Variants in ADK observed in about 807,000 individuals in gnomAD.
ADK encodes the protein N6,N6-dimethyladenosine kinase.
Under a neutral mutation model 44.7 loss-of-function variants are expected in ADK, and 24 were observed. The ratio of observed to expected loss-of-function variants is 0.54; its 90% CI spans 0.39 to 0.76. The LOEUF is 0.76. Among genes scored for constraint, ADK ranks in the 30% least tolerant of loss-of-function variants. The pLI is 0.00. For missense variants in ADK, 321 were observed against 425.1 expected (o/e 0.76, Z 2.15); for synonymous variants, 128 against 142.6 (o/e 0.90, Z 0.73).
rs1037504217 is a variant in ADK at position 74,618,104 on chromosome 10, A to C, written c.877+17611A>C. Reference sequence around the variant, plus strand: ...ATTTTCAACCTTTCTGTGTTCTTATATGACTTTTGTTGTTTTTTAATTAAT... The same window carrying C: ...ATTTTCAACCTTTCTGTGTTCTTATCTGACTTTTGTTGTTTTTTAATTAAT... On this transcript the variant is annotated intron_variant, in intron 9 of 10. Coordinates refer to ENST00000539909, the MANE Select transcript of ADK (RefSeq NM_006721.4). Among the ~76,000 whole-genome samples the C allele has an allele frequency of 4.9e-5, 7 of 141,818 alleles. 1 individual carries two copies. The highest frequency in any genetic ancestry group is 1.4e-4 in the Admixed American group (2 of 14,284). The allele number at this position is 141,818 out of a possible 152,430, so 93.0% of individuals were successfully genotyped here.
intron 6 of ADK, among the ~76,000 whole-genome samples, chr10:74,410,034 A>T (rs1844112378): frequency 6.6e-6 from 1 of 152,196 alleles, no homozygotes; most frequent in Non-Finnish European, 1.5e-5. Flanking sequence ...AAATTATAAG[A>T]AATCTCATCT....
intron 4 of ADK, among the ~76,000 whole-genome samples, chr10:74,372,677 A>G (rs1287605773): frequency 6.6e-6 from 1 of 152,204 alleles, no homozygotes; most frequent in Admixed American, 6.5e-5. Context: ...TACTCTAAAA[A>G]CTACATAACA....
intron 1 of ADK, among the ~76,000 whole-genome samples, chr10:74,185,842 GAAAAAAAAA>G (rs71021593): frequency 1.5e-5 from 1 of 65,824 alleles, no homozygotes; most frequent in Admixed American, 2.0e-4. Flanking sequence ...GTCTCAAAAA[GAAAAAAAAA>G]AAAAAAAAAA....
At chr10:74,204,769 C>T (rs1307714769) in intron 2 of ADK, among the ~76,000 whole-genome samples, 4 of 152,050 alleles carry the variant, frequency 2.6e-5, no homozygotes, top group Non-Finnish European at 5.9e-5. Context: ...TCAGGCTGGG[C>T]GTGGTGGCTC....
At chr10:74,270,657 A>T (rs1459805353) in intron 3 of ADK, among the ~76,000 whole-genome samples, 4 of 152,228 alleles carry the variant, frequency 2.6e-5, no homozygotes, top group African/African-American at 9.6e-5. Flanking sequence ...GGCCTTAGCA[A>T]TTGAACGTAA....
intron 9 of ADK, among the ~76,000 whole-genome samples, chr10:74,600,717 ATAAT>A (rs1376105704): frequency 6.6e-6 from 1 of 151,936 alleles, no homozygotes; most frequent in Non-Finnish European, 1.5e-5. Context: ...CCACTTTGAT[ATAAT>A]TTATTTACTT....
chr10:74,525,028 A>T (rs949356511), intron 6 of ADK, among the ~76,000 whole-genome samples: 1 of 152,126 alleles, frequency 6.6e-6, no homozygotes, highest in East Asian at 1.9e-4. Context: ...GAGCATATAA[A>T]CCTAGTATGA....
At chr10:74,385,185 CAAT>C (rs546138701) in intron 4 of ADK, among the ~76,000 whole-genome samples, 158 of 152,070 alleles carry the variant, frequency 1.0e-3, no homozygotes, top group Non-Finnish European at 1.6e-3. Context: ...GAATATATCT[CAAT>C]AAATTTTTTT....
At chr10:74,291,645 GA>G (rs1045619302) in intron 3 of ADK, among the ~76,000 whole-genome samples, 2 of 151,298 alleles carry the variant, frequency 1.3e-5, no homozygotes, top group African/African-American at 2.4e-5. Flanking sequence ...TTGAAGTATT[GA>G]TTTTTTTTCA....
chr10:74,310,617 T>C (rs1349592713), intron 3 of ADK, among the ~76,000 whole-genome samples: 1 of 152,194 alleles, frequency 6.6e-6, no homozygotes, highest in Admixed American at 6.5e-5. Context: ...TTCTCTTTAC[T>C]CTGTCCAGTG....
chr10:74,196,004 A>G (rs1843135511), intron 1 of ADK, among the ~76,000 whole-genome samples: 1 of 151,616 alleles, frequency 6.6e-6, no homozygotes, highest in Non-Finnish European at 1.5e-5. Context: ...GAGTTTTGGC[A>G]TGTTGCCCTG....
intron 3 of ADK, among the ~76,000 whole-genome samples, chr10:74,276,924 CTT>C (rs56710186): frequency 5.4e-5 from 8 of 147,634 alleles, no homozygotes; most frequent in African/African-American, 9.9e-5. Flanking sequence ...TTTCAAATAT[CTT>C]TTTTTTTTTG....
At chr10:74,163,614 G>A (rs1346558295) in intron 1 of ADK, among the ~76,000 whole-genome samples, 1 of 152,084 alleles carries the variant, frequency 6.6e-6, no homozygotes, top group Admixed American at 6.6e-5. Context: ...CATCTAGGAG[G>A]GGTCACTTAA....
chr10:74,567,721 T>A (rs1347972235), intron 7 of ADK, among the ~76,000 whole-genome samples: 127 of 138,814 alleles, frequency 9.1e-4, no homozygotes, highest in Non-Finnish European at 1.5e-3. Flanking sequence ...TTTTTTGAGA[T>A]GGAGTCTCGC....
intron 6 of ADK, among the ~76,000 whole-genome samples, chr10:74,440,662 C>T (rs544276100): frequency 6.6e-6 from 1 of 151,984 alleles, no homozygotes; most frequent in African/African-American, 2.4e-5. Context: ...AAATCTCTGG[C>T]CTAGTCAAAG....
intron 4 of ADK, among the ~76,000 whole-genome samples, chr10:74,317,893 TG>T (rs1447323526): frequency 6.6e-6 from 1 of 152,148 alleles, no homozygotes; most frequent in African/African-American, 2.4e-5. Context: ...GTGATTCTTT[TG>T]CCTCAGCCTC....
At chr10:74,279,139 C>T (rs1394427054) in intron 3 of ADK, among the ~76,000 whole-genome samples, 14 of 151,640 alleles carry the variant, frequency 9.2e-5, no homozygotes, top group Admixed American at 3.3e-4. Context: ...ATTAGCCGGG[C>T]GTAGTGGTGG....
chr10:74,461,122 T>C (rs1846159071), intron 6 of ADK, among the ~76,000 whole-genome samples: 1 of 151,696 alleles, frequency 6.6e-6, no homozygotes. Context: ...AAACCAACTA[T>C]AAACTTAAGA....
chr10:74,280,263 C>T (rs571490890), intron 3 of ADK, among the ~76,000 whole-genome samples: 4 of 152,090 alleles, frequency 2.6e-5, no homozygotes, highest in South Asian at 2.1e-4. Flanking sequence ...CCACCATGCC[C>T]GGCTAATTTT....
Sources: gnomAD v4.1 joint callset for allele counts (sites outside exome capture counted in the v4.1 genomes callset) on GRCh38, gnomAD v4.1.1 for gene constraint, MANE v1.5 for transcripts, NCBI Gene and HGNC (gene_info 2026-07-23, HGNC 2026-07-21) for gene names.